The following OPRM1 variants were observed in gnomAD, a reference collection of about 807,000 sequenced individuals.
OPRM1 encodes opioid receptor mu 1, also known as mu-type opioid receptor.
A neutral mutation model predicts 31.8 loss-of-function variants in OPRM1; 27 were observed. The ratio of observed to expected loss-of-function variants is 0.85; its 90% CI spans 0.63 to 1.17. OPRM1 has a LOEUF of 1.17. Among genes scored for constraint, OPRM1 ranks in the 50% most tolerant of loss-of-function variants. The pLI is 0.00. For synonymous variants in OPRM1, 196 were observed against 189.9 expected, an observed-to-expected ratio of 1.03 and a Z score of -0.26; for missense variants, 536 against 511.1, an observed-to-expected ratio of 1.05 and a Z score of -0.47.
At chr6:154,152,296 G>GAAGAAAGAAAGAAAGAAAGAAAGA (rs1165338713) in intron 3 of OPRM1, among the ~76,000 whole-genome samples, 1 of 96,524 alleles carries the variant, frequency 1.0e-5, no homozygotes, top group African/African-American at 4.2e-5. Context: ...AAGGAAGAGA[G>GAAGAAAGAAAGAAAGAAAGAAAGA]AAGAAAGAAA....
intron 3 of OPRM1, chr6:154,108,062 T>C: frequency 1.5e-6 from 1 of 659,132 alleles, no homozygotes; most frequent in African/African-American, 1.8e-5. Flanking sequence ...GTTACCCTTT[T>C]GCCAGCATGC....
At position 154,039,494 on chromosome 6, in the gene OPRM1, T is replaced by G; in HGVS notation, c.-51T>G. The G allele has an allele frequency of 6.4e-7, 1 of 1,569,016 alleles. No individual in the cohort carries two copies. The highest frequency in any genetic ancestry group is 8.6e-7 in the Non-Finnish European group (1 of 1,156,746). ...TGAGGCGCTTGGAACCCGAAAAGTCTCGGTGCTCCTGGCTACCTCGCACAG... is the reference window on the plus strand; with the variant it reads ...TGAGGCGCTTGGAACCCGAAAAGTCGCGGTGCTCCTGGCTACCTCGCACAG... On this transcript the variant is annotated 5_prime_UTR_variant, in exon 1 of 4. Coordinates refer to ENST00000330432, the MANE Select transcript of OPRM1 (RefSeq NM_000914.5).
chr6:154,182,576 T>A (rs957310800), intron 3 of OPRM1, among the ~76,000 whole-genome samples: 1 of 152,226 alleles, frequency 6.6e-6, no homozygotes, highest in African/African-American at 2.4e-5. Flanking sequence ...TGTTTCCTCA[T>A]ATGCTAAGAA....
chr6:154,164,292 G>A (rs1297335436), intron 3 of OPRM1, among the ~76,000 whole-genome samples: 1 of 152,144 alleles, frequency 6.6e-6, no homozygotes, highest in Non-Finnish European at 1.5e-5. Flanking sequence ...TGGGCATTAA[G>A]CTGACACTTC....
rs138622819 is a variant in OPRM1 at position 154,130,453 on chromosome 6, C to A, written c.*11732C>A. Among the ~76,000 whole-genome samples, 698 of 152,154 alleles carry A rather than the reference C, an allele frequency of 4.6e-3. 4 individuals are homozygous for A. The highest frequency in any genetic ancestry group is 0.015 in the African/African-American group (625 of 41,498). ...AAAGTGTTGGGATTACAGGTGTGAG[C>A]CACTGCGCCTGGCCAGAAATGTTTA... On this transcript the variant is annotated 3_prime_UTR_variant, in exon 4 of 4. Coordinates refer to ENST00000330432, the MANE Select transcript of OPRM1 (RefSeq NM_000914.5).
At chr6:154,212,608 G>T (rs1562544359) in intron 3 of OPRM1, among the ~76,000 whole-genome samples, 1 of 152,172 alleles carries the variant, frequency 6.6e-6, no homozygotes, top group Admixed American at 6.5e-5. Flanking sequence ...CTATGGAGAA[G>T]GCTCAAAATC....
intron 1 of OPRM1, among the ~76,000 whole-genome samples, chr6:154,076,734 A>G (rs950713165): frequency 1.3e-5 from 2 of 152,110 alleles, no homozygotes; most frequent in Admixed American, 6.5e-5. Flanking sequence ...ACAAATCTCA[A>G]ATGAGCACCT....
At chr6:154,194,347 T>C (rs2281618) in intron 3 of OPRM1, among the ~76,000 whole-genome samples, 103,497 of 152,004 alleles carry the variant, frequency 0.68, 36,004 homozygotes, top group East Asian at 0.89. Context: ...TGCCGTGAGC[T>C]GAGATCACAC....
intron 1 of OPRM1, among the ~76,000 whole-genome samples, chr6:154,018,770 G>A (rs1483322152): frequency 6.6e-6 from 1 of 152,088 alleles, no homozygotes; most frequent in African/African-American, 2.4e-5. Context: ...AACAAAGTGT[G>A]TTCTATTGAA....
At chr6:154,152,347 G>GAAAGAAA in intron 3 of OPRM1, among the ~76,000 whole-genome samples, 2,924 of 63,596 alleles carry the variant, frequency 0.046, 123 homozygotes, top group East Asian at 0.11. Context: ...AAGAAAGAAA[G>GAAAGAAA]GAAAGAAAGA....
chr6:154,107,388 A>G (rs1014923919), intron 3 of OPRM1: 1 of 692,804 alleles, frequency 1.4e-6, no homozygotes. Flanking sequence ...AGAAAGGAAA[A>G]TTTCAGACAG....
chr6:154,120,220 G>T lies in OPRM1; in HGVS notation c.*1499G>T, dbSNP rs535383267. 1.3e-5 allele frequency among the ~76,000 whole-genome samples: 2 copies of T among 152,196 alleles called. No individual in the cohort carries two copies. Among genetic ancestry groups the T allele is most frequent in the African/African-American group, 4.8e-5 (2 of 41,538 alleles). ...AATTGTAGACTCCATTGTAAAATTT[G>T]TATTTTTTCATCAATCTGACAAGGC... On this transcript the variant is annotated 3_prime_UTR_variant, in exon 4 of 4. Coordinates refer to ENST00000330432, the MANE Select transcript of OPRM1 (RefSeq NM_000914.5).
chr6:154,043,783 CT>C (rs569991783), intron 1 of OPRM1, among the ~76,000 whole-genome samples: 62 of 152,144 alleles, frequency 4.1e-4, no homozygotes, highest in African/African-American at 1.4e-3. Context: ...AAAATACTAA[CT>C]TAATTGCATG....
intron 1 of OPRM1, among the ~76,000 whole-genome samples, chr6:154,028,486 C>A (rs139682386): frequency 6.4e-4 from 97 of 152,314 alleles, no homozygotes; most frequent in African/African-American, 2.2e-3. Context: ...CCACATACTC[C>A]TATAGTCCAC....
At chr6:154,141,478 C>T (rs1047629521) in intron 3 of OPRM1, among the ~76,000 whole-genome samples, 3 of 152,058 alleles carry the variant, frequency 2.0e-5, no homozygotes, top group Non-Finnish European at 2.9e-5. Flanking sequence ...GTGTGAAGCC[C>T]GAAAATTTGA....
At chr6:154,060,375 A>C (rs1378676928) in intron 1 of OPRM1, among the ~76,000 whole-genome samples, 3 of 152,158 alleles carry the variant, frequency 2.0e-5, no homozygotes, top group Non-Finnish European at 4.4e-5. Flanking sequence ...AAAGTAGTGG[A>C]AACTCCCACA....
chr6:154,059,402 T>G (rs1410526245), intron 1 of OPRM1, among the ~76,000 whole-genome samples: 3 of 152,204 alleles, frequency 2.0e-5, no homozygotes, highest in Non-Finnish European at 4.4e-5. Flanking sequence ...GACAGCATCA[T>G]TACTCAATGT....
intron 3 of OPRM1, among the ~76,000 whole-genome samples, chr6:154,238,334 C>A (rs892513082): frequency 5.9e-5 from 9 of 152,290 alleles, no homozygotes; most frequent in Admixed American, 2.0e-4. Context: ...CGGCTCACTG[C>A]AACCTCTGCC....
chr6:154,036,851 T>G (rs12210856), upstream of OPRM1, among the ~76,000 whole-genome samples: 18,127 of 151,768 alleles, frequency 0.12, 2,188 homozygotes, highest in African/African-American at 0.31. Context: ...TTATGCACAT[T>G]AATATTCATA....
Sources: allele counts gnomAD v4.1 joint callset (sites outside exome capture counted in the v4.1 genomes callset), GRCh38; gene constraint gnomAD v4.1.1; transcripts MANE v1.5; gene names NCBI Gene and HGNC (gene_info 2026-07-23, HGNC 2026-07-21).